The following KDM4C variants were observed in gnomAD, a reference collection of about 807,000 sequenced individuals.
KDM4C encodes the protein lysine demethylase 4C.
Under a neutral mutation model 129.3 loss-of-function variants are expected in KDM4C, and 81 were observed. That is an observed-to-expected ratio of 0.63 (90% CI 0.52 to 0.75). The LOEUF (loss-of-function observed/expected upper bound fraction) is 0.75, where lower values mean the gene tolerates loss of function less well. Among genes scored for constraint, KDM4C ranks in the 30% least tolerant of loss-of-function variants. The pLI is 0.00. For synonymous variants in KDM4C, 573 were observed against 456.1 expected (o/e 1.26, Z -3.26); for missense variants, 1,457 against 1,304.0 (o/e 1.12, Z -1.81).
At chr9:6,975,046 T>A (rs1231634435) in intron 8 of KDM4C, 1 of 152,220 alleles carries the variant, frequency 6.6e-6, no homozygotes, top group Non-Finnish European at 1.5e-5. Context: ...ATAGTTTTTC[T>A]TTGTCTATTT....
intron 4 of KDM4C, among the ~76,000 whole-genome samples, chr9:6,819,621 C>G (rs534194562): frequency 2.0e-5 from 3 of 152,188 alleles, no homozygotes; most frequent in African/African-American, 7.2e-5. Flanking sequence ...GTAAACAAAA[C>G]CAATCACACT....
At chr9:7,020,013 G>A (rs1348066240) in intron 15 of KDM4C, among the ~76,000 whole-genome samples, 1 of 151,964 alleles carries the variant, frequency 6.6e-6, no homozygotes, top group Non-Finnish European at 1.5e-5. Flanking sequence ...AGATCATAGT[G>A]ATGTGGGCTG....
intron 12 of KDM4C, among the ~76,000 whole-genome samples, chr9:7,003,904 C>G (rs1821183727): frequency 1.3e-5 from 2 of 152,108 alleles, no homozygotes; most frequent in East Asian, 1.9e-4. Flanking sequence ...GCACTTATCC[C>G]ACCCCACTAC....
chr9:6,740,912 C>G (rs1410948043), intron 1 of KDM4C, among the ~76,000 whole-genome samples: 1 of 151,860 alleles, frequency 6.6e-6, no homozygotes, highest in Non-Finnish European at 1.5e-5. Flanking sequence ...ACCACAAACT[C>G]TGCCTCCCAG....
Position 6,740,214 on chromosome 9 carries a change from G to GT in KDM4C, c.49+19224dup, listed in dbSNP as rs200923672. On this transcript the variant is annotated intron_variant, in intron 1 of 17. Coordinates refer to the KDM4C transcript ENST00000536108. Reference sequence around the variant, plus strand: ...CTAATTTTTTGTTTTGTTTTGTTTTGTTTTTTTGAGACAGAGTCTTGCTCT... The same window carrying GT: ...CTAATTTTTTGTTTTGTTTTGTTTTGTTTTTTTTGAGACAGAGTCTTGCTCT... Among the ~76,000 whole-genome samples the GT allele has an allele frequency of 9.8e-3, 1,434 of 146,440 alleles. 22 individuals are homozygous for GT. Among genetic ancestry groups the GT allele is most frequent in the African/African-American group, 0.034 (1,361 of 39,626 alleles).
intron 11 of KDM4C, among the ~76,000 whole-genome samples, chr9:6,987,972 A>G (rs1015374177): frequency 6.6e-6 from 1 of 151,526 alleles, no homozygotes; most frequent in African/African-American, 2.4e-5. Flanking sequence ...AGCCTGGACA[A>G]CATGGTCACA....
intron 8 of KDM4C, among the ~76,000 whole-genome samples, chr9:6,974,547 G>T (rs1055128388): frequency 6.6e-6 from 1 of 152,116 alleles, no homozygotes; most frequent in African/African-American, 2.4e-5. Flanking sequence ...TAGTAGAGAC[G>T]GAGTTTCACC....
chr9:6,852,640 G>A (rs2130199827), intron 5 of KDM4C, among the ~76,000 whole-genome samples: 1 of 152,216 alleles, frequency 6.6e-6, no homozygotes, highest in East Asian at 1.9e-4. Flanking sequence ...TTTCTCTAGT[G>A]GGTGGCCTCT....
intron 11 of KDM4C, among the ~76,000 whole-genome samples, chr9:6,987,080 A>G (rs1030891533): frequency 6.6e-6 from 1 of 152,214 alleles, no homozygotes; most frequent in Non-Finnish European, 1.5e-5. Context: ...TAAAGATTAC[A>G]GAATTGTTCT....
rs1279200416 is a variant in KDM4C at position 7,128,165 on chromosome 9, T to C, written c.2710T>C (p.Ser904Pro). The C allele has an allele frequency of 6.2e-7, 1 of 1,613,192 alleles. No individual in the cohort carries two copies. The highest frequency in any genetic ancestry group is 2.2e-5 in the East Asian group (1 of 44,816). The change falls in exon 19 of 22, where the codon TCG (serine) becomes CCG (proline). Residue 904 changes from serine to proline, a missense_variant. Transcript: ENST00000381309. The stretch of plus-strand genomic sequence containing the variant: ...CAGTTGCAGAGTGATGGCTGTGACA[T>C]CGCAGACCTTCTATGAGGTCATGTT... ...YYSCRVMAVT[S>P]QTFYEVMFDD... is the part of the protein sequence containing the mutation.
At chr9:6,911,151 A>C (rs2131081251) in intron 8 of KDM4C, among the ~76,000 whole-genome samples, 1 of 152,340 alleles carries the variant, frequency 6.6e-6, no homozygotes, top group East Asian at 1.9e-4. Context: ...GGGCTGGCTT[A>C]AATTACTTAA....
At chr9:6,858,215 C>T (rs1429026513) in intron 5 of KDM4C, among the ~76,000 whole-genome samples, 3 of 152,004 alleles carry the variant, frequency 2.0e-5, no homozygotes, top group Non-Finnish European at 4.4e-5. Context: ...CCCTTTTCTA[C>T]CTGCTTTTGC....
intron 5 of KDM4C, among the ~76,000 whole-genome samples, chr9:6,872,449 G>A (rs1344399625): frequency 1.3e-5 from 2 of 152,160 alleles, no homozygotes; most frequent in African/African-American, 4.8e-5. Context: ...TCGTTTATCT[G>A]TCTAATATTA....
intron 4 of KDM4C, among the ~76,000 whole-genome samples, chr9:6,831,510 T>C (rs551538561): frequency 9.3e-4 from 142 of 152,174 alleles, no homozygotes; most frequent in African/African-American, 3.3e-3. Flanking sequence ...GCCCAGCTAA[T>C]TTTTGTATTT....
chr9:7,051,205 G>A (rs1219728962), intron 17 of KDM4C, among the ~76,000 whole-genome samples: 1 of 152,152 alleles, frequency 6.6e-6, no homozygotes, highest in Admixed American at 6.6e-5. Context: ...GTTATCTTTA[G>A]TGGAATAATA....
At chr9:7,109,710 C>T (rs1182342574) in intron 18 of KDM4C, among the ~76,000 whole-genome samples, 1 of 152,082 alleles carries the variant, frequency 6.6e-6, no homozygotes, top group East Asian at 1.9e-4. Flanking sequence ...CCATTGCGTA[C>T]CAGTTGACCA....
intron 20 of KDM4C, among the ~76,000 whole-genome samples, chr9:7,169,247 G>T (rs117063827): frequency 6.6e-5 from 10 of 152,050 alleles, no homozygotes; most frequent in African/African-American, 2.4e-4. Flanking sequence ...TTGTTGCTTC[G>T]CCAGATAAAG....
chr9:7,117,458 G>A (rs1401493753), intron 18 of KDM4C, among the ~76,000 whole-genome samples: 3 of 152,046 alleles, frequency 2.0e-5, no homozygotes, highest in Non-Finnish European at 2.9e-5. Flanking sequence ...CCCATCAGAC[G>A]TCATTTAAAG....
intron 8 of KDM4C, among the ~76,000 whole-genome samples, chr9:6,963,263 T>C (rs1208641895): frequency 2.6e-5 from 4 of 152,224 alleles, no homozygotes; most frequent in Admixed American, 6.5e-5. Context: ...GACAAATGCT[T>C]TTAGTAGTAT....
Sources: allele counts gnomAD v4.1 joint callset (sites outside exome capture counted in the v4.1 genomes callset), GRCh38; gene constraint gnomAD v4.1.1; transcripts MANE v1.5; gene names NCBI Gene and HGNC (gene_info 2026-07-23, HGNC 2026-07-21).